Variants in SLC16A7 observed in about 807,000 individuals in gnomAD.
The protein encoded by SLC16A7 is monocarboxylate transporter 2.
A neutral mutation model predicts 34.9 loss-of-function variants in SLC16A7; 33 were observed. That is an observed-to-expected ratio of 0.94 (90% CI 0.72 to 1.26). The LOEUF is 1.26. SLC16A7 is among the 50% of genes most tolerant of loss of function. The pLI is 0.00. For missense variants in SLC16A7, 573 were observed against 578.1 expected, an observed-to-expected ratio of 0.99 and a Z score of 0.09; for synonymous variants, 201 against 206.6, an observed-to-expected ratio of 0.97 and a Z score of 0.23.
intron 1 of SLC16A7, among the ~76,000 whole-genome samples, chr12:59,626,018 A>G (rs1199509178): frequency 6.6e-6 from 1 of 151,844 alleles, no homozygotes; most frequent in African/African-American, 2.4e-5. Context: ...CTTTTCCAAT[A>G]TGTTCTATAG....
chr12:59,698,172 T>C (rs1247887645), intron 2 of SLC16A7, among the ~76,000 whole-genome samples: 2 of 151,722 alleles, frequency 1.3e-5, no homozygotes, highest in Non-Finnish European at 3.0e-5. Context: ...GCTTATAATA[T>C]TGAGATAAGA....
chr12:59,657,847 T>G (rs374330786), intron 2 of SLC16A7, among the ~76,000 whole-genome samples: 17 of 151,988 alleles, frequency 1.1e-4, no homozygotes, highest in Admixed American at 9.9e-4. Context: ...AGCATTATAG[T>G]TAGGCAGGGA....
At chr12:59,705,825 G>C (rs1298444628) in intron 3 of SLC16A7, among the ~76,000 whole-genome samples, 1 of 152,022 alleles carries the variant, frequency 6.6e-6, no homozygotes, top group Non-Finnish European at 1.5e-5. Context: ...GATAGATATA[G>C]ACTCAGACTA....
chr12:59,663,006 G>GT (rs1868940309), intron 2 of SLC16A7, among the ~76,000 whole-genome samples: 1 of 151,992 alleles, frequency 6.6e-6, no homozygotes, highest in South Asian at 2.1e-4. Flanking sequence ...CACACTAGAC[G>GT]TAACAGACCA....
intron 1 of SLC16A7, among the ~76,000 whole-genome samples, chr12:59,608,791 AC>A (rs1879059488): frequency 6.6e-6 from 1 of 152,150 alleles, no homozygotes; most frequent in Non-Finnish European, 1.5e-5. Flanking sequence ...TTGTTACTCT[AC>A]CTCATTAAGA....
intron 2 of SLC16A7, among the ~76,000 whole-genome samples, chr12:59,688,498 A>G (rs578016676): frequency 4.6e-5 from 7 of 152,234 alleles, no homozygotes; most frequent in African/African-American, 1.2e-4. Context: ...GACAATAGCT[A>G]AAAGATAGTA....
intron 3 of SLC16A7, among the ~76,000 whole-genome samples, chr12:59,753,558 A>G (rs1879879533): frequency 1.3e-5 from 2 of 152,078 alleles, no homozygotes; most frequent in South Asian, 2.1e-4. Flanking sequence ...AGAGCTAACT[A>G]TCCTAAATAT....
At chr12:59,707,464 A>G (rs1325638075) in intron 3 of SLC16A7, among the ~76,000 whole-genome samples, 1 of 152,094 alleles carries the variant, frequency 6.6e-6, no homozygotes, top group East Asian at 1.9e-4. Context: ...AAAAGTAAAT[A>G]TACTATATTT....
intron 2 of SLC16A7, among the ~76,000 whole-genome samples, chr12:59,676,247 A>T (rs114757183): frequency 0.071 from 10,840 of 152,202 alleles, 429 homozygotes; most frequent in Middle Eastern, 0.17. Flanking sequence ...ATTTACTTCA[A>T]TTTTTAGTAT....
At chr12:59,669,882 A>G (rs1869530219) in intron 2 of SLC16A7, among the ~76,000 whole-genome samples, 1 of 152,160 alleles carries the variant, frequency 6.6e-6, no homozygotes, top group Non-Finnish European at 1.5e-5. Context: ...AATAATGCTT[A>G]CCTTCCTTGT....
intron 2 of SLC16A7, among the ~76,000 whole-genome samples, chr12:59,682,856 C>T (rs866006910): frequency 3.2e-4 from 48 of 152,172 alleles, no homozygotes; most frequent in African/African-American, 1.2e-3. Flanking sequence ...CACCTGAGGT[C>T]GAGAGTTCGA....
chr12:59,722,162 C>A (rs1170591465), intron 3 of SLC16A7, among the ~76,000 whole-genome samples: 1 of 151,940 alleles, frequency 6.6e-6, no homozygotes, highest in Middle Eastern at 3.2e-3. Flanking sequence ...ACCTAAAATT[C>A]ATCTTCTGAA....
chr12:59,744,044 A>C (rs554951580), intron 3 of SLC16A7, among the ~76,000 whole-genome samples: 3 of 152,366 alleles, frequency 2.0e-5, no homozygotes, highest in African/African-American at 7.2e-5. Context: ...GAAACAAAAA[A>C]AGATTCAGTT....
intron 2 of SLC16A7, among the ~76,000 whole-genome samples, chr12:59,658,200 A>G (rs1023910884): frequency 6.6e-6 from 1 of 152,036 alleles, no homozygotes; most frequent in African/African-American, 2.4e-5. Context: ...TTTTTCCTCA[A>G]ATACGTGTGG....
rs1883209026 is a variant in SLC16A7, at chr12:59,781,023, T to TGCCTCTAGAAATAGAGGCACCTAC, written c.*1345_*1346insCCTCTAGAAATAGAGGCACCTACG. On this transcript the variant is annotated 3_prime_UTR_variant, in exon 6 of 6. Transcript: ENST00000547379. ...GCCTTCTAGAAATAGAGGCACTGTA[T>TGCCTCTAGAAATAGAGGCACCTAC]GACTTGCAATCGTAGGTATAGTTTA... The TGCCTCTAGAAATAGAGGCACCTAC allele has an allele frequency of 2.6e-5, 4 of 152,272 alleles. No individual in the cohort carries two copies. The South Asian group carries it at 8.3e-4, about 32-fold the overall frequency. The allele number at this position is 152,272 out of a possible 1,614,324, so 9.4% of individuals were successfully genotyped here.
chr12:59,748,668 C>G (rs1199664413), intron 3 of SLC16A7, among the ~76,000 whole-genome samples: 1 of 152,152 alleles, frequency 6.6e-6, no homozygotes, highest in Non-Finnish European at 1.5e-5. Context: ...AAAAATACTA[C>G]TGTAAGAAAA....
At chr12:59,762,758 T>C (rs543490525) in intron 3 of SLC16A7, among the ~76,000 whole-genome samples, 2 of 151,310 alleles carry the variant, frequency 1.3e-5, no homozygotes, top group Non-Finnish European at 2.9e-5. Context: ...CAGTGTACTA[T>C]AATAGTGCCT....
At chr12:59,616,813 T>C (rs991913959) in intron 1 of SLC16A7, among the ~76,000 whole-genome samples, 2 of 152,164 alleles carry the variant, frequency 1.3e-5, no homozygotes, top group African/African-American at 4.8e-5. Context: ...TTCACATTTT[T>C]CCCAACATTC....
chr12:59,720,133 T>C, intron 3 of SLC16A7: 1 of 694,258 alleles, frequency 1.4e-6, no homozygotes, highest in Non-Finnish European at 2.6e-6. Context: ...CGTGTTATTA[T>C]GGGATCGCTG....
Sources: allele counts gnomAD v4.1 joint callset (sites outside exome capture counted in the v4.1 genomes callset), GRCh38; gene constraint gnomAD v4.1.1; transcripts MANE v1.5; gene names NCBI Gene and HGNC (gene_info 2026-07-23, HGNC 2026-07-21).